FBXW7: variants seen among roughly 807,000 people sequenced by gnomAD.
FBXW7 encodes the protein F-box and WD repeat domain containing 7, also known as F-box/WD repeat-containing protein 7.
FBXW7 carries 11 observed loss-of-function variants against 86.3 expected under a neutral mutation model. That is an observed-to-expected ratio of 0.13 (90% CI 0.08 to 0.21). The LOEUF (loss-of-function observed/expected upper bound fraction) is 0.21, where lower values mean the gene tolerates loss of function less well. FBXW7 is among the 10% of genes least tolerant of loss of function. The pLI is 1.00. For synonymous variants in FBXW7, 313 were observed against 297.9 expected, an observed-to-expected ratio of 1.05 and a Z score of -0.52; for missense variants, 488 against 847.4, an observed-to-expected ratio of 0.58 and a Z score of 5.27.
At chr4:152,353,534 G>C (rs557664945) in intron 4 of FBXW7, among the ~76,000 whole-genome samples, 1 of 152,222 alleles carries the variant, frequency 6.6e-6, no homozygotes, top group South Asian at 2.1e-4. Flanking sequence ...TACTACCTAA[G>C]TGTGTAAAGT....
chr4:152,330,736 G>C lies in FBXW7; in HGVS notation c.1118C>G (p.Pro373Arg), dbSNP rs748952220. The change falls in exon 9 of 14, where the codon CCT (proline) becomes CGT (arginine). Residue 373 changes from proline to arginine, a missense_variant. Around this residue, in one of 4 missense-constraint regions of FBXW7, gnomAD observed 57 missense variants for 62.8 expected, o/e 0.91. Transcript: ENST00000281708. ...CATTGTGCAGAGTTCAGTTACCTTA[G>C]GAGATTTGAGTTCTCCTCGCCTCCA... ...TNWRRGELKSPKVLKGHDDHV... is the reference protein window; with the variant it reads ...TNWRRGELKSRKVLKGHDDHV... 1 of 1,611,602 alleles carries C rather than the reference G, an allele frequency of 6.2e-7. No homozygotes were observed. Among genetic ancestry groups the C allele is most frequent in the African/African-American group, 1.3e-5 (1 of 74,786 alleles).
chr4:152,484,819 A>G (rs1745202705), intron 2 of FBXW7, among the ~76,000 whole-genome samples: 1 of 152,068 alleles, frequency 6.6e-6, no homozygotes. Context: ...AAAATTAACC[A>G]GCCATGGTGG....
chr4:152,479,325 G>A (rs1744678910), intron 2 of FBXW7, among the ~76,000 whole-genome samples: 1 of 152,080 alleles, frequency 6.6e-6, no homozygotes, highest in Non-Finnish European at 1.5e-5. Context: ...AATAAGGTAA[G>A]CTAGTATCTT....
intron 4 of FBXW7, among the ~76,000 whole-genome samples, chr4:152,400,421 A>T (rs1736822220): frequency 6.6e-6 from 1 of 152,070 alleles, no homozygotes; most frequent in Non-Finnish European, 1.5e-5. Flanking sequence ...GGCTCACCAC[A>T]TCCTTGATGT....
chr4:152,344,268 T>A (rs1000159863), intron 6 of FBXW7, among the ~76,000 whole-genome samples: 1 of 152,176 alleles, frequency 6.6e-6, no homozygotes. Flanking sequence ...TAAAGGGCAG[T>A]GTACAACAAT....
chr4:152,443,140 T>C (rs1741059938), intron 2 of FBXW7, among the ~76,000 whole-genome samples: 1 of 152,124 alleles, frequency 6.6e-6, no homozygotes, highest in African/African-American at 2.4e-5. Flanking sequence ...TGCATGCCTG[T>C]AATCCCAGCT....
chr4:152,367,624 C>A (rs1040619190), intron 4 of FBXW7, among the ~76,000 whole-genome samples: 6 of 152,084 alleles, frequency 3.9e-5, no homozygotes, highest in African/African-American at 1.4e-4. Context: ...CATTTCTGGG[C>A]ATACCATTCA....
intron 2 of FBXW7, among the ~76,000 whole-genome samples, chr4:152,424,251 G>T (rs911601233): frequency 2.6e-5 from 4 of 152,110 alleles, no homozygotes; most frequent in Non-Finnish European, 5.9e-5. Flanking sequence ...ACCCCCACAA[G>T]CAGCCACCCA....
chr4:152,448,290 C>A (rs1741593280), intron 2 of FBXW7, among the ~76,000 whole-genome samples: 3 of 152,298 alleles, frequency 2.0e-5, no homozygotes, highest in Middle Eastern at 6.8e-3. Context: ...TCCATTGCTA[C>A]ACAATCTGAT....
At chr4:152,517,519 TATAGA>T (rs1415484872) in intron 2 of FBXW7, among the ~76,000 whole-genome samples, 1 of 152,274 alleles carries the variant, frequency 6.6e-6, no homozygotes, top group African/African-American at 2.4e-5. Context: ...ACACAGACAG[TATAGA>T]ATAAAGATTA....
At chr4:152,472,341 C>T (rs1369374121) in intron 2 of FBXW7, among the ~76,000 whole-genome samples, 3 of 151,960 alleles carry the variant, frequency 2.0e-5, no homozygotes, top group Non-Finnish European at 2.9e-5. Context: ...AAAATATGTA[C>T]GAGAATTATC....
intron 2 of FBXW7, among the ~76,000 whole-genome samples, chr4:152,453,248 CT>C (rs1263294483): frequency 6.6e-6 from 1 of 152,168 alleles, no homozygotes; most frequent in Non-Finnish European, 1.5e-5. Flanking sequence ...AATATTAAGG[CT>C]TTACAGTCAA....
intron 4 of FBXW7, among the ~76,000 whole-genome samples, chr4:152,393,368 A>AATTT (rs766087226): frequency 3.3e-5 from 5 of 152,172 alleles, no homozygotes; most frequent in African/African-American, 4.8e-5. Flanking sequence ...TAATTAAAAT[A>AATTT]AAATGTAAGA....
chr4:152,516,497 C>T (rs1422428869), intron 2 of FBXW7, among the ~76,000 whole-genome samples: 1 of 152,184 alleles, frequency 6.6e-6, no homozygotes, highest in African/African-American at 2.4e-5. Context: ...AAAAATGGTC[C>T]CTGGTGCCAA....
chr4:152,460,077 C>T (rs142996404), intron 2 of FBXW7, among the ~76,000 whole-genome samples: 32 of 152,290 alleles, frequency 2.1e-4, no homozygotes, highest in African/African-American at 7.7e-4. Context: ...GAACGAACAA[C>T]ACTGTGAATG....
chr4:152,426,722 TGGG>T (rs1430320799), intron 2 of FBXW7, among the ~76,000 whole-genome samples: 1 of 152,164 alleles, frequency 6.6e-6, no homozygotes, highest in Non-Finnish European at 1.5e-5. Flanking sequence ...ACAAGTGTAG[TGGG>T]CCCTCAGCCA....
chr4:152,359,641 CA>C (rs1732735242), intron 4 of FBXW7, among the ~76,000 whole-genome samples: 1 of 150,994 alleles, frequency 6.6e-6, no homozygotes, highest in Non-Finnish European at 1.5e-5. Flanking sequence ...AACAAAACAA[CA>C]ACAAAAACCA....
At chr4:152,382,126 TAA>T (rs1332230384) in intron 4 of FBXW7, 1 of 1,245,244 alleles carries the variant, frequency 8.0e-7, no homozygotes, top group Non-Finnish European at 1.1e-6. Flanking sequence ...ATCTTTTCAC[TAA>T]AAGAGGCCAA....
chr4:152,510,200 T>C (rs1404174881), intron 2 of FBXW7, among the ~76,000 whole-genome samples: 1 of 152,172 alleles, frequency 6.6e-6, no homozygotes, highest in East Asian at 1.9e-4. Flanking sequence ...AGAGTTAGAA[T>C]AATAAATGAC....
Sources: gnomAD v4.1 joint callset for allele counts (sites outside exome capture counted in the v4.1 genomes callset) on GRCh38, gnomAD v4.1.1 for gene constraint, gnomAD v4.1.1 regional missense constraint, MANE v1.5 for transcripts, NCBI Gene and HGNC (gene_info 2026-07-23, HGNC 2026-07-21) for gene names.